ME3: variants seen among roughly 807,000 people sequenced by gnomAD.
ME3 encodes malic enzyme 3, also known as NADP-dependent malic enzyme, mitochondrial.
In ME3, 48 loss-of-function variants were observed where a neutral mutation model predicts 68.9. The ratio of observed to expected loss-of-function variants is 0.70; its 90% CI spans 0.55 to 0.89. ME3 has a LOEUF of 0.89. Ranked by LOEUF, ME3 falls within the 40% of genes least tolerant of loss-of-function variation. ME3 has a pLI of 0.00. For missense variants in ME3, 675 were observed against 797.4 expected (o/e 0.85, Z 1.85); for synonymous variants, 320 against 318.8 (o/e 1.00, Z -0.04).
intron 4 of ME3, among the ~76,000 whole-genome samples, chr11:86,531,991 CCA>C (rs1214511845): frequency 1.5e-5 from 2 of 137,816 alleles, no homozygotes; most frequent in African/African-American, 2.7e-5. Context: ...AAAAACCAAA[CCA>C]AAAAAAAACC....
intron 4 of ME3, among the ~76,000 whole-genome samples, chr11:86,544,412 A>T (rs1251345650): frequency 6.6e-6 from 1 of 152,204 alleles, no homozygotes; most frequent in Admixed American, 6.5e-5. Flanking sequence ...TGCTAGCCAG[A>T]CTAATAAAGA....
intron 5 of ME3, among the ~76,000 whole-genome samples, chr11:86,499,673 G>T (rs1952593419): frequency 6.6e-6 from 1 of 152,182 alleles, no homozygotes; most frequent in South Asian, 2.1e-4. Flanking sequence ...TTCTGGAAAA[G>T]GGTCTCTGGA....
chr11:86,491,832 T>G (rs893670749), intron 6 of ME3, among the ~76,000 whole-genome samples: 3 of 152,256 alleles, frequency 2.0e-5, no homozygotes, highest in Non-Finnish European at 2.9e-5. Context: ...GAATTAAGTG[T>G]GACCCATGTA....
At chr11:86,490,462 G>A (rs1276648226) in intron 6 of ME3, among the ~76,000 whole-genome samples, 1 of 152,058 alleles carries the variant, frequency 6.6e-6, no homozygotes, top group African/African-American at 2.4e-5. Context: ...GACCATCAAA[G>A]GTCACTTAGA....
chr11:86,640,532 C>A (rs17149242), intron 2 of ME3, among the ~76,000 whole-genome samples: 14,399 of 152,272 alleles, frequency 0.095, 703 homozygotes, highest in South Asian at 0.13. Context: ...ACTGACTGGA[C>A]AGGCCTTAGC....
intron 2 of ME3, among the ~76,000 whole-genome samples, chr11:86,658,163 C>T (rs1204180016): frequency 6.6e-6 from 1 of 150,766 alleles, no homozygotes; most frequent in Non-Finnish European, 1.5e-5. Flanking sequence ...CTCATGCTGT[C>T]GCCCAGGCTG....
chr11:86,506,238 CT>C (rs1953066053), intron 5 of ME3, among the ~76,000 whole-genome samples: 1 of 152,206 alleles, frequency 6.6e-6, no homozygotes, highest in Admixed American at 6.5e-5. Flanking sequence ...GCCCAAAGCC[CT>C]GTTTCTCTTC....
intron 4 of ME3, among the ~76,000 whole-genome samples, chr11:86,510,057 C>T (rs1274174178): frequency 6.6e-6 from 1 of 152,204 alleles, no homozygotes; most frequent in Non-Finnish European, 1.5e-5. Context: ...TTCTTGACCT[C>T]CACATTTCTT....
chr11:86,535,430 T>C (rs1376714681), intron 4 of ME3, among the ~76,000 whole-genome samples: 2 of 152,168 alleles, frequency 1.3e-5, no homozygotes, highest in African/African-American at 4.8e-5. Context: ...TTATTATTAA[T>C]TTTCCAGAAC....
intron 14 of ME3, among the ~76,000 whole-genome samples, chr11:86,442,311 A>G (rs914937999): frequency 2.6e-5 from 4 of 152,168 alleles, no homozygotes; most frequent in African/African-American, 9.7e-5. Flanking sequence ...TGGCTGAGAG[A>G]GCACTGGGTA....
chr11:86,502,995 C>T (rs1431762160), intron 5 of ME3, among the ~76,000 whole-genome samples: 2 of 152,116 alleles, frequency 1.3e-5, no homozygotes, highest in Non-Finnish European at 2.9e-5. Context: ...CAACCCTCTT[C>T]TTCCTCTTTT....
chr11:86,499,252 A>G (rs1263464231), intron 5 of ME3, among the ~76,000 whole-genome samples: 1 of 152,202 alleles, frequency 6.6e-6, no homozygotes, highest in Non-Finnish European at 1.5e-5. Context: ...GCAGGAAGGG[A>G]AAAAATGGGA....
chr11:86,479,260 A>G (rs1213927574), intron 7 of ME3, among the ~76,000 whole-genome samples: 1 of 152,122 alleles, frequency 6.6e-6, no homozygotes, highest in Non-Finnish European at 1.5e-5. Context: ...CAGCGGCCCC[A>G]CTTTGGATTT....
At chr11:86,621,089 G>C (rs1342058539) in intron 2 of ME3, among the ~76,000 whole-genome samples, 1 of 152,192 alleles carries the variant, frequency 6.6e-6, no homozygotes, top group Non-Finnish European at 1.5e-5. Context: ...AAAGTGTCCA[G>C]ACCAAAATGT....
chr11:86,504,893 G>A (rs1952967742), intron 5 of ME3, among the ~76,000 whole-genome samples: 1 of 152,080 alleles, frequency 6.6e-6, no homozygotes, highest in East Asian at 1.9e-4. Flanking sequence ...GTTTCACCAT[G>A]TTGGCCAGGC....
downstream of ME3, among the ~76,000 whole-genome samples, chr11:86,439,645 C>T (rs1431438175): frequency 2.0e-5 from 3 of 151,314 alleles, no homozygotes; most frequent in East Asian, 3.9e-4. Flanking sequence ...GCAAGATGTT[C>T]AGTGTGGCTG....
intron 2 of ME3, among the ~76,000 whole-genome samples, chr11:86,652,132 A>T (rs1194878033): frequency 6.6e-6 from 1 of 152,234 alleles, no homozygotes; most frequent in African/African-American, 2.4e-5. Context: ...TATGCCTGAA[A>T]GTGATGGGGA....
chr11:86,549,141 G>C (rs1294445597), intron 4 of ME3, among the ~76,000 whole-genome samples: 1 of 152,242 alleles, frequency 6.6e-6, no homozygotes, highest in Non-Finnish European at 1.5e-5. Context: ...AAGGGGATCA[G>C]ATCCACCTGA....
At chr11:86,595,616 G>A (rs999516719) in intron 2 of ME3, among the ~76,000 whole-genome samples, 1 of 152,184 alleles carries the variant, frequency 6.6e-6, no homozygotes, top group Non-Finnish European at 1.5e-5. Flanking sequence ...CTATGAACCA[G>A]GCACTGTGCT....
Sources: gnomAD v4.1 joint callset for allele counts (sites outside exome capture counted in the v4.1 genomes callset) on GRCh38, gnomAD v4.1.1 for gene constraint, MANE v1.5 for transcripts, NCBI Gene and HGNC (gene_info 2026-07-23, HGNC 2026-07-21) for gene names.